Variants in SLC5A11 observed in about 807,000 individuals in gnomAD.
SLC5A11 encodes sodium/myo-inositol cotransporter 2.
In SLC5A11, 48 loss-of-function variants were observed where a neutral mutation model predicts 69.8. The ratio of observed to expected loss-of-function variants is 0.69; its 90% CI spans 0.55 to 0.87. The LOEUF is 0.87. SLC5A11 is among the 40% of genes least tolerant of loss of function. The pLI, the probability that SLC5A11 is intolerant of heterozygous loss-of-function variation, is 0.00. For missense variants in SLC5A11, 784 were observed against 866.1 expected (o/e 0.91, Z 1.19); for synonymous variants, 319 against 342.4 (o/e 0.93, Z 0.75).
At chr16:24,882,192 C>T (rs889537636) in intron 7 of SLC5A11, among the ~76,000 whole-genome samples, 2 of 152,178 alleles carry the variant, frequency 1.3e-5, no homozygotes, top group Non-Finnish European at 2.9e-5. Context: ...CCACGTAGAA[C>T]TTGGTGGGGA....
chr16:24,894,992 G>T (rs183394011), intron 9 of SLC5A11, among the ~76,000 whole-genome samples: 1 of 152,052 alleles, frequency 6.6e-6, no homozygotes, highest in Admixed American at 6.6e-5. Context: ...GGGTGTGGTG[G>T]TGTATGCCTG....
At chr16:24,881,948 C>A (rs1490305877) in intron 7 of SLC5A11, among the ~76,000 whole-genome samples, 1 of 152,146 alleles carries the variant, frequency 6.6e-6, no homozygotes, top group Admixed American at 6.6e-5. Flanking sequence ...ATTGGATGCT[C>A]TAAACAGAAA....
At chr16:24,896,364 T>A (rs932660497) in intron 9 of SLC5A11, among the ~76,000 whole-genome samples, 1 of 152,014 alleles carries the variant, frequency 6.6e-6, no homozygotes, top group African/African-American at 2.4e-5. Flanking sequence ...ACATGGTTGT[T>A]CATGCCTGTT....
chr16:24,855,278 G>T (rs1243767444), intron 1 of SLC5A11, among the ~76,000 whole-genome samples: 2 of 152,020 alleles, frequency 1.3e-5, no homozygotes, highest in African/African-American at 4.8e-5. Flanking sequence ...TGAGGACTCT[G>T]CCCCCATGGA....
chr16:24,869,892 TC>T lies in SLC5A11; in HGVS notation c.208-5del. The T allele has an allele frequency of 1.2e-6, 2 of 1,609,222 alleles. No homozygotes were observed. Among genetic ancestry groups the T allele is most frequent in the South Asian group, 2.2e-5 (2 of 90,920 alleles). On this transcript the variant is annotated splice_region_variant and splice_polypyrimidine_tract_variant and intron_variant, in intron 3 of 15. Transcript: ENST00000347898. ...GTCTCCAAGATCTGACCCGTCCATC[TC>T]CCCACAGGTGGGTGCATCCTTGTTT...
At position 24,863,317 on chromosome 16, in the gene SLC5A11, G is replaced by A. The variant is rs1018851445; in HGVS notation, c.207+645G>A. 2.0e-5 allele frequency among the ~76,000 whole-genome samples: 3 copies of A among 151,902 alleles called. No individual in the cohort carries two copies. The East Asian group carries it at 5.8e-4, about 29-fold the overall frequency. ...ATCCACATTTGGGGGGCTTTGGCAG[G>A]GGTCACTGGAATACTGGGACCTCAT... On this transcript the variant is annotated intron_variant, in intron 3 of 15. Transcript: ENST00000347898.
chr16:24,850,991 A>G (rs2059278218), intron 1 of SLC5A11, among the ~76,000 whole-genome samples: 1 of 151,346 alleles, frequency 6.6e-6, no homozygotes, highest in East Asian at 2.0e-4. Flanking sequence ...TTGTATTTTT[A>G]GTGGAGACAG....
intron 4 of SLC5A11, among the ~76,000 whole-genome samples, chr16:24,871,151 T>C (rs2047270912): frequency 6.6e-6 from 1 of 152,202 alleles, no homozygotes. Flanking sequence ...ATAGGATTCA[T>C]TTACAAATTA....
chr16:24,855,434 CAAA>C (rs143252263), intron 1 of SLC5A11, among the ~76,000 whole-genome samples: 3 of 90,112 alleles, frequency 3.3e-5, no homozygotes, highest in Admixed American at 1.2e-4. Context: ...TTCATCTCTA[CAAA>C]AAAAAAAAAA....
intron 1 of SLC5A11, among the ~76,000 whole-genome samples, chr16:24,851,991 CT>C (rs879474655): frequency 0.012 from 1,802 of 150,020 alleles, 20 homozygotes; most frequent in African/African-American, 0.034. Context: ...CTCTCTCTCT[CT>C]CTCCCACTCT....
intron 15 of SLC5A11, 96 bp from the exon 17 acceptor site, chr16:24,911,232 T>A: frequency 1.2e-5 from 12 of 999,318 alleles, no homozygotes; most frequent in Non-Finnish European, 1.7e-5. Flanking sequence ...ACGCCTGTAA[T>A]CCCAGCACTT....
chr16:24,906,992 G>T (rs770389016), intron 11 of SLC5A11, 33 bp from the exon 13 acceptor site: 50 of 1,606,338 alleles, frequency 3.1e-5, no homozygotes, highest in Non-Finnish European at 3.7e-5. Flanking sequence ...GGCAGAAAAG[G>T]ACCGAGGCCC....
In SLC5A11 at chr16:24,911,457, T is replaced by A; in HGVS notation, c.1952T>A (p.Leu651Ter). Residue 651 changes from leucine (L) to a stop codon, truncating the protein, a stop_gained, in exon 16 of 16, where the codon TTG (leucine) becomes TAG (stop). Transcript: ENST00000347898. LOFTEE classifies it high-confidence loss of function. ...ATAGTTTCCCTGGAAGAAAACCCCT[T>A]GGTGAAGACCCTCCTGGACGTCAAC... The A allele has an allele frequency of 2.5e-6, 4 of 1,614,114 alleles. No homozygotes were observed. The highest frequency in any genetic ancestry group is 3.4e-6 in the Non-Finnish European group (4 of 1,180,020).
At chr16:24,847,047 A>G (rs2059046636) in intron 1 of SLC5A11, among the ~76,000 whole-genome samples, 1 of 152,240 alleles carries the variant, frequency 6.6e-6, no homozygotes. Context: ...ACAGATAGTG[A>G]GTGGCCAAGC....
intron 7 of SLC5A11, among the ~76,000 whole-genome samples, chr16:24,878,201 A>G (rs1423044415): frequency 6.6e-6 from 1 of 152,200 alleles, no homozygotes; most frequent in East Asian, 1.9e-4. Flanking sequence ...ACAATGGCAT[A>G]ATGTTTTTTC....
At chr16:24,875,800 C>T in intron 6 of SLC5A11, 69 bp downstream of exon 7, 1 of 1,253,944 alleles carries the variant, frequency 8.0e-7, no homozygotes, top group Non-Finnish European at 1.2e-6. Context: ...GATCATTGCT[C>T]AGGAGTGTCT....
At chr16:24,856,257 G>A (rs1381353322) in intron 1 of SLC5A11, among the ~76,000 whole-genome samples, 4 of 151,236 alleles carry the variant, frequency 2.6e-5, no homozygotes, top group Non-Finnish European at 5.9e-5. Flanking sequence ...ATTCATGTGG[G>A]CGAAAATCCC....
At chr16:24,908,481 C>T (rs1597317658) in intron 13 of SLC5A11, among the ~76,000 whole-genome samples, 1 of 151,344 alleles carries the variant, frequency 6.6e-6, no homozygotes, top group South Asian at 2.1e-4. Flanking sequence ...CGCCTGTAAT[C>T]CCAGCTACTC....
At chr16:24,877,779 T>A (rs2047776375) in intron 7 of SLC5A11, among the ~76,000 whole-genome samples, 1 of 151,518 alleles carries the variant, frequency 6.6e-6, no homozygotes, top group East Asian at 1.9e-4. Flanking sequence ...AGGTCAGGAG[T>A]TCAAGACCAG....
Sources: gnomAD v4.1 joint callset for allele counts (sites outside exome capture counted in the v4.1 genomes callset) on GRCh38, gnomAD v4.1.1 for gene constraint, MANE v1.5 for transcripts, NCBI Gene and HGNC (gene_info 2026-07-23, HGNC 2026-07-21) for gene names.